RBFOX3: variants seen among roughly 807,000 people sequenced by gnomAD.
The protein encoded by RBFOX3 is RNA binding fox-1 homolog 3, also known as RNA binding protein fox-1 homolog 3.
Under a neutral mutation model 48.7 loss-of-function variants are expected in RBFOX3, and 17 were observed. The observed-to-expected ratio is 0.35, with a 90% confidence interval of 0.24 to 0.52. The LOEUF is 0.52. RBFOX3 is among the 20% of genes least tolerant of loss of function. The probability of loss-of-function intolerance (pLI) is 0.94; values close to 1 mark genes in which losing one functional copy is unlikely to be tolerated. For missense variants in RBFOX3, 382 were observed against 497.5 expected, an observed-to-expected ratio of 0.77 and a Z score of 2.21; for synonymous variants, 212 against 209.5, an observed-to-expected ratio of 1.01 and a Z score of -0.10.
intron 4 of RBFOX3, among the ~76,000 whole-genome samples, chr17:79,119,669 A>G (rs1450437161): frequency 6.6e-6 from 1 of 152,188 alleles, no homozygotes; most frequent in Non-Finnish European, 1.5e-5. Flanking sequence ...AATGGTCACA[A>G]TAGAGCCTGG....
At chr17:79,273,675 A>G (rs943829639) in intron 3 of RBFOX3, among the ~76,000 whole-genome samples, 1 of 152,100 alleles carries the variant, frequency 6.6e-6, no homozygotes, top group Non-Finnish European at 1.5e-5. Context: ...GGGCATTGGT[A>G]CCACAGAGCT....
chr17:79,338,456 T>C (rs2146571211), intron 2 of RBFOX3, among the ~76,000 whole-genome samples: 1 of 152,148 alleles, frequency 6.6e-6, no homozygotes, highest in East Asian at 1.9e-4. Flanking sequence ...AATTTCAGGG[T>C]GATGCTGGTG....
At chr17:79,129,953 G>A (rs977993775) in intron 4 of RBFOX3, among the ~76,000 whole-genome samples, 3 of 152,108 alleles carry the variant, frequency 2.0e-5, no homozygotes, top group Non-Finnish European at 2.9e-5. Flanking sequence ...CAGGAATGGG[G>A]GCTGGTGAGC....
At position 79,391,548 on chromosome 17, in the gene RBFOX3, G is replaced by A. The variant is rs759070893; in HGVS notation, c.-174-83724C>T. Among the ~76,000 whole-genome samples, 3 of 152,156 alleles carry A rather than the reference G, an allele frequency of 2.0e-5. No homozygotes were observed. Among genetic ancestry groups the A allele is most frequent in the Admixed American group, 1.3e-4 (2 of 15,286 alleles). On this transcript the variant is annotated intron_variant, in intron 2 of 14. Transcript: ENST00000693108. The surrounding 1 kb of genome is among the most constrained non-coding windows in gnomAD (Gnocchi z 5.0). The stretch of plus-strand genomic sequence containing the variant: ...AATGCCACCGATTTTAATCTCACCC[G>A]AAACCAACCTCACAGGTGCTGATTC...
At chr17:79,318,693 A>T (rs571770859) in intron 2 of RBFOX3, among the ~76,000 whole-genome samples, 107 of 151,850 alleles carry the variant, frequency 7.0e-4, no homozygotes, top group African/African-American at 2.6e-3. Flanking sequence ...TCTCTACTAA[A>T]ATTACAAAAA....
intron 2 of RBFOX3, among the ~76,000 whole-genome samples, chr17:79,342,428 A>G: frequency 6.6e-6 from 1 of 152,102 alleles, no homozygotes; most frequent in East Asian, 1.9e-4. Context: ...TAAATGCTGG[A>G]GCCTTCACTT....
chr17:79,466,022 A>G (rs1555753530), intron 2 of RBFOX3, among the ~76,000 whole-genome samples: 1 of 152,200 alleles, frequency 6.6e-6, no homozygotes, highest in Non-Finnish European at 1.5e-5. Context: ...GGTCGTCTCC[A>G]TATCCACATC....
At chr17:79,520,822 G>A (rs1317232013) in intron 1 of RBFOX3, among the ~76,000 whole-genome samples, 12 of 152,170 alleles carry the variant, frequency 7.9e-5, no homozygotes, top group Non-Finnish European at 1.3e-4. Context: ...AGACACACTC[G>A]CACACAGCTT....
At position 79,401,578 on chromosome 17, in the gene RBFOX3, C is replaced by G. The variant is rs1022730866; in HGVS notation, c.-175+80876G>C. Among the ~76,000 whole-genome samples the G allele has an allele frequency of 7.2e-5, 11 of 152,254 alleles. No homozygotes were observed. In the East Asian group the frequency reaches 1.4e-3, roughly 19 times the overall value. ...GAGGGGAGGGAATGGGAGAGGGGAA[C>G]CTATTTCTTTTGTTTCACTTTTAAA... is the stretch of plus-strand genomic sequence containing the variant. On this transcript the variant is annotated intron_variant, in intron 2 of 14. Coordinates refer to ENST00000693108, the MANE Select transcript of RBFOX3 (RefSeq NM_001350451.2).
chr17:79,599,979 T>C (rs1186133413), intron 1 of RBFOX3: 5 of 152,254 alleles, frequency 3.3e-5, no homozygotes, highest in Admixed American at 2.6e-4. Flanking sequence ...GCATCTCATT[T>C]CCACAAAGAC....
chr17:79,250,390 AT>A (rs1366691988), intron 3 of RBFOX3, among the ~76,000 whole-genome samples: 3 of 152,168 alleles, frequency 2.0e-5, no homozygotes, highest in Non-Finnish European at 2.9e-5. Context: ...AACACGATAA[AT>A]TGCGAATGTG....
At chr17:79,227,119 C>A (rs1363579125) in intron 4 of RBFOX3, among the ~76,000 whole-genome samples, 1 of 152,230 alleles carries the variant, frequency 6.6e-6, no homozygotes, top group Non-Finnish European at 1.5e-5. Flanking sequence ...CAAGCGCCAG[C>A]CAGTTGGCAG....
chr17:79,125,883 C>T (rs1051760477), intron 4 of RBFOX3, among the ~76,000 whole-genome samples: 1 of 152,208 alleles, frequency 6.6e-6, no homozygotes, highest in African/African-American at 2.4e-5. Flanking sequence ...CCCCATCCGC[C>T]GAGCTGTGAG....
intron 4 of RBFOX3, among the ~76,000 whole-genome samples, chr17:79,139,723 C>T (rs2041520118): frequency 1.3e-5 from 2 of 152,176 alleles, no homozygotes; most frequent in South Asian, 4.1e-4. Context: ...AAAAGGAGAT[C>T]CTTCCCAAAG....
chr17:79,455,809 C>T (rs1385423706), intron 2 of RBFOX3, among the ~76,000 whole-genome samples: 1 of 152,222 alleles, frequency 6.6e-6, no homozygotes, highest in Non-Finnish European at 1.5e-5. Flanking sequence ...CAGCCCCATG[C>T]TCCACATGCA....
intron 3 of RBFOX3, among the ~76,000 whole-genome samples, chr17:79,303,513 T>C (rs557003448): frequency 6.6e-6 from 1 of 152,174 alleles, no homozygotes; most frequent in East Asian, 1.9e-4. Flanking sequence ...TTAAGCCTGA[T>C]TTTATTAAAA....
intron 2 of RBFOX3, among the ~76,000 whole-genome samples, chr17:79,370,233 C>T (rs1414723970): frequency 6.6e-6 from 1 of 152,222 alleles, no homozygotes; most frequent in East Asian, 1.9e-4. Context: ...ATAGATTCCC[C>T]AAGGAAGCAA....
intron 4 of RBFOX3, among the ~76,000 whole-genome samples, chr17:79,138,615 T>A (rs55741268): frequency 1.2e-5 from 1 of 84,090 alleles, no homozygotes; most frequent in Non-Finnish European, 2.6e-5. Context: ...CACACACACA[T>A]AGCACGTGTT....
intron 4 of RBFOX3, among the ~76,000 whole-genome samples, chr17:79,137,416 G>A (rs1265044473): frequency 6.6e-6 from 1 of 152,112 alleles, no homozygotes; most frequent in African/African-American, 2.4e-5. Context: ...GCAGGGGGCG[G>A]GGCAAAATCA....
Sources: gnomAD v4.1 joint callset for allele counts (sites outside exome capture counted in the v4.1 genomes callset) on GRCh38, gnomAD v4.1.1 for gene constraint, Gnocchi (gnomAD v3.1) non-coding constraint, MANE v1.5 for transcripts, NCBI Gene and HGNC (gene_info 2026-07-23, HGNC 2026-07-21) for gene names.